UST: variants seen among roughly 807,000 people sequenced by gnomAD.
The protein encoded by UST is uronyl 2-sulfotransferase.
A neutral mutation model predicts 45.6 loss-of-function variants in UST; 21 were observed. The observed-to-expected ratio is 0.46, with a 90% CI of 0.33 to 0.66. UST has a LOEUF of 0.66. UST is among the 30% of genes least tolerant of loss of function. The pLI, the probability that UST is intolerant of heterozygous loss-of-function variation, is 0.02. For missense variants in UST, 463 were observed against 512.4 expected, an observed-to-expected ratio of 0.90 and a Z score of 0.93; for synonymous variants, 215 against 200.6, an observed-to-expected ratio of 1.07 and a Z score of -0.61.
intron 2 of UST, among the ~76,000 whole-genome samples, chr6:148,930,571 T>TA (rs1299556773): frequency 2.6e-5 from 4 of 152,198 alleles, no homozygotes; most frequent in Non-Finnish European, 5.9e-5. Flanking sequence ...CCTAAGTTCA[T>TA]ACGATGGTGG....
intron 7 of UST, among the ~76,000 whole-genome samples, chr6:149,051,401 G>A (rs974473339): frequency 1.2e-4 from 19 of 152,148 alleles, no homozygotes; most frequent in East Asian, 7.7e-4. Flanking sequence ...AAGTGGTGGC[G>A]AGCATTCTGG....
At chr6:148,822,004 C>T (rs1477251323) in intron 1 of UST, among the ~76,000 whole-genome samples, 1 of 152,186 alleles carries the variant, frequency 6.6e-6, no homozygotes, top group Non-Finnish European at 1.5e-5. Context: ...TATAATAAAA[C>T]AAGATGTTTC....
intron 2 of UST, among the ~76,000 whole-genome samples, chr6:148,904,141 G>A (rs1163024520): frequency 6.6e-6 from 1 of 152,132 alleles, no homozygotes; most frequent in Non-Finnish European, 1.5e-5. Flanking sequence ...CTTCACCAAG[G>A]CCTTGAACAC....
intron 1 of UST, among the ~76,000 whole-genome samples, chr6:148,817,835 A>G (rs1416302624): frequency 1.3e-5 from 2 of 152,176 alleles, no homozygotes; most frequent in African/African-American, 4.8e-5. Context: ...AACCAGTCTC[A>G]GGTTAAATTT....
At chr6:148,799,722 A>G (rs905664098) in intron 1 of UST, among the ~76,000 whole-genome samples, 2 of 151,552 alleles carry the variant, frequency 1.3e-5, no homozygotes, top group African/African-American at 4.9e-5. Flanking sequence ...TCCTATTTGT[A>G]TACTCATTCT....
rs748248476 is a variant in UST, at chr6:148,941,353, G to A, written c.366G>A (p.Leu122=). ...KCGSRTVVLL[L]RILSEKHGFN... ...GGAGCCGTACTGTGGTCTTGCTTCT[G>A]AGAATCTTGTCGGAGAAGCACGGAT... is the stretch of plus-strand genomic sequence containing the variant. The change falls in exon 3 of 8, where the codon CTG becomes CTA. Residue 122 remains leucine (L), a synonymous_variant. Coordinates refer to ENST00000367463, the MANE Select transcript of UST (RefSeq NM_005715.3). The A allele has an allele frequency of 4.3e-6, 7 of 1,612,862 alleles. No individual in the cohort carries two copies. In the Admixed American group the frequency reaches 1.0e-4, roughly 23 times the overall value.
rs7757430 is a variant in UST, at chr6:148,776,482, C to A, written c.247+28805C>A. ...CAGTTTTGTGCAGAATCATCTCATT[C>A]TTTTCTGCACGTGGTGAGTTTTGAA... On this transcript the variant is annotated intron_variant, in intron 1 of 7. Coordinates refer to ENST00000367463, the MANE Select transcript of UST (RefSeq NM_005715.3). 2.8e-3 allele frequency among the ~76,000 whole-genome samples: 423 copies of A among 152,268 alleles called. 4 individuals are homozygous for A. Among genetic ancestry groups the A allele is most frequent in the African/African-American group, 9.7e-3 (401 of 41,546 alleles).
intron 5 of UST, among the ~76,000 whole-genome samples, chr6:148,991,104 A>G (rs1276071785): frequency 4.6e-5 from 7 of 152,182 alleles, no homozygotes; most frequent in Non-Finnish European, 1.0e-4. Context: ...GAGGACAATG[A>G]GTAACTGCGG....
At chr6:148,842,215 T>C (rs368485598) in intron 1 of UST, among the ~76,000 whole-genome samples, 13 of 152,280 alleles carry the variant, frequency 8.5e-5, no homozygotes, top group African/African-American at 3.1e-4. Flanking sequence ...AAAGTGTCAG[T>C]GAAATAAGGA....
At chr6:148,892,629 C>T (rs1339290549) in intron 2 of UST, among the ~76,000 whole-genome samples, 1 of 152,132 alleles carries the variant, frequency 6.6e-6, no homozygotes, top group Non-Finnish European at 1.5e-5. Context: ...ATTTCAAATT[C>T]TCTGTAGCTA....
At chr6:148,797,654 C>T (rs1286877427) in intron 1 of UST, among the ~76,000 whole-genome samples, 1 of 151,858 alleles carries the variant, frequency 6.6e-6, no homozygotes, top group Non-Finnish European at 1.5e-5. Flanking sequence ...GTTGTGGGAG[C>T]GTAGAGGGGT....
chr6:148,856,119 C>G (rs770000336), intron 1 of UST, among the ~76,000 whole-genome samples: 2 of 152,092 alleles, frequency 1.3e-5, no homozygotes, highest in Non-Finnish European at 2.9e-5. Context: ...TGGGTTCAAG[C>G]GATTCTCCCA....
At chr6:148,770,095 A>C (rs1455991860) in intron 1 of UST, among the ~76,000 whole-genome samples, 1 of 152,000 alleles carries the variant, frequency 6.6e-6, no homozygotes. Context: ...CAAGATTAAA[A>C]AAATTGAGTG....
chr6:148,992,514 G>T (rs1213179097), intron 5 of UST, among the ~76,000 whole-genome samples: 2 of 152,122 alleles, frequency 1.3e-5, no homozygotes, highest in East Asian at 3.9e-4. Flanking sequence ...TCCTGCCGGG[G>T]GTCTGTGGAC....
chr6:148,880,710 C>T (rs191516072), intron 1 of UST, among the ~76,000 whole-genome samples: 6 of 152,246 alleles, frequency 3.9e-5, no homozygotes, highest in South Asian at 4.2e-4. Flanking sequence ...AATCTGAGAT[C>T]ACTTGCCTTC....
intron 1 of UST, among the ~76,000 whole-genome samples, chr6:148,793,261 T>C (rs961066977): frequency 5.4e-5 from 8 of 148,034 alleles, no homozygotes; most frequent in African/African-American, 2.0e-4. Flanking sequence ...TGAATAGGAG[T>C]TACTTTTGTA....
chr6:149,043,676 G>T (rs1776359093), intron 7 of UST, among the ~76,000 whole-genome samples: 1 of 152,256 alleles, frequency 6.6e-6, no homozygotes, highest in South Asian at 2.1e-4. Context: ...GGGAGAACTG[G>T]CCCGAGGCCC....
intron 7 of UST, among the ~76,000 whole-genome samples, chr6:149,029,236 G>C (rs960797578): frequency 1.3e-5 from 2 of 151,460 alleles, no homozygotes; most frequent in African/African-American, 2.4e-5. Context: ...TAGGGGAAGA[G>C]GGTGGAGTTT....
intron 1 of UST, among the ~76,000 whole-genome samples, chr6:148,750,871 G>A (rs917748918): frequency 1.3e-5 from 2 of 152,174 alleles, no homozygotes; most frequent in Non-Finnish European, 2.9e-5. Flanking sequence ...GGTCGGACTC[G>A]CATCTTCCGG....
Sources: gnomAD v4.1 joint callset for allele counts (sites outside exome capture counted in the v4.1 genomes callset) on GRCh38, gnomAD v4.1.1 for gene constraint, MANE v1.5 for transcripts, NCBI Gene and HGNC (gene_info 2026-07-23, HGNC 2026-07-21) for gene names.